The following TTN variants were observed in gnomAD, a reference collection of about 807,000 sequenced individuals.
TTN encodes titin, also known as connectin.
Under a neutral mutation model 3,223.0 loss-of-function variants are expected in TTN, and 1,525 were observed. The observed-to-expected ratio is 0.47, with a 90% CI of 0.45 to 0.49. The LOEUF is 0.49. TTN is among the 20% of genes least tolerant of loss of function. TTN has a pLI of 0.00. For synonymous variants in TTN, 14,094 were observed against 15,161.0 expected (o/e 0.93, Z 5.17); for missense variants, 40,786 against 43,424.0 (o/e 0.94, Z 5.40).
In TTN at chr2:178,617,473, T is replaced by G. The variant is rs1327762563; in HGVS notation, c.47612A>C (p.Gln15871Pro). 2 of 1,595,472 alleles carry G rather than the reference T, an allele frequency of 1.3e-6. No individual in the cohort carries two copies. Among genetic ancestry groups the G allele is most frequent in the Non-Finnish European group, 1.7e-6 (2 of 1,174,620 alleles). Residue 15871 changes from glutamine (Q) to proline (P), a missense_variant, in exon 254 of 363, where the codon CAG (glutamine) becomes CCG (proline). Transcript: ENST00000589042. ...TTTGAGCTGAACTGATGACTGAGTC[T>G]GATCTGAGGAAGTTAGGTTTACAGG... ...SPPVNLTSSD[Q>P]TQSSVQLKWE...
chr2:178,532,017 C>T lies in TTN; in HGVS notation c.104598G>A (p.Glu34866=). The T allele has an allele frequency of 6.2e-7, 1 of 1,613,874 alleles. No individual in the cohort carries two copies. Among genetic ancestry groups the T allele is most frequent in the South Asian group, 1.1e-5 (1 of 91,080 alleles). Residue 34866 remains glutamate (E), a synonymous_variant, in exon 358 of 363, where the codon GAG becomes GAA. Transcript: ENST00000589042. ...ELIRSRPQPA[E]EYEDDTERRS... ...TTCTTTCTGTGTCATCTTCGTATTC[C>T]TCAGCCGGTTGTGGACGTGACCGGA... is the stretch of plus-strand genomic sequence containing the variant.
chr2:178,774,086 C>T lies in TTN; in HGVS notation c.7082G>A (p.Gly2361Glu), dbSNP rs763682763. The T allele has an allele frequency of 1.9e-6, 3 of 1,614,014 alleles. No individual in the cohort carries two copies. Among genetic ancestry groups the T allele is most frequent in the Non-Finnish European group, 2.5e-6 (3 of 1,179,984 alleles). Residue 2361 changes from glycine (G) to glutamate (E), a missense_variant, in exon 31 of 363, where the codon GGA (glycine) becomes GAA (glutamate). Transcript: ENST00000589042. The stretch of plus-strand genomic sequence containing the variant: ...CTCACAGACTTTTTGGTCACTAAGT[C>T]CTTGTAGGATAGCAATGGGGCGGGC... ...MKPRPIAILQGLSDQKVCEGD... is the reference protein window; with the variant it reads ...MKPRPIAILQELSDQKVCEGD...
At chr2:178,802,404 C>G in intron 2 of TTN, 63 bp from the exon 3 acceptor site, 2 of 1,549,206 alleles carry the variant, frequency 1.3e-6, no homozygotes, top group Non-Finnish European at 1.8e-6. Context: ...TCTGCTCTGT[C>G]CCATCATGTT....
chr2:178,788,798 G>A (rs1055260388), intron 13 of TTN, among the ~76,000 whole-genome samples: 1 of 151,902 alleles, frequency 6.6e-6, no homozygotes, highest in Admixed American at 6.6e-5. Context: ...ATTTTAATAT[G>A]CATCTTGTTT....
Position 178,544,349 on chromosome 2 carries a change from A to G in TTN, c.95880T>C (p.His31960=), listed in dbSNP as rs1696036684. ...EKDTDQWYRV[H]TNATIRNTEF... ...CAGTATTTCTTATTGTGGCATTGGT[A>G]TGCACTCGGTACCACTGATCAGTGT... The change falls in exon 345 of 363, where the codon CAT becomes CAC. Residue 31960 remains histidine, a synonymous_variant. Coordinates refer to ENST00000589042, the MANE Select transcript of TTN (RefSeq NM_001267550.2). The G allele has an allele frequency of 1.9e-6, 3 of 1,613,758 alleles. No individual in the cohort carries two copies. The highest frequency in any genetic ancestry group is 2.2e-5 in the East Asian group (1 of 44,864).
At position 178,553,159 on chromosome 2, in the gene TTN, A is replaced by T; in HGVS notation, c.89741T>A (p.Ile29914Lys). Residue 29914 changes from isoleucine (I) to lysine (K), a missense_variant, in exon 335 of 363, where the codon ATA (isoleucine) becomes AAA (lysine). By Grantham distance (102) the Ile-to-Lys change is moderately radical. Transcript: ENST00000589042. ...RNDTGKYILT[I>K]ENGVGEPKSS... Reference sequence around the variant, plus strand: ...CTTAGGTTCACCAACTCCATTTTCTATTGTGAGAATATATTTTCCTGTATC... The same window carrying T: ...CTTAGGTTCACCAACTCCATTTTCTTTTGTGAGAATATATTTTCCTGTATC... The T allele has an allele frequency of 6.2e-7, 1 of 1,613,490 alleles. No individual in the cohort carries two copies. Among genetic ancestry groups the T allele is most frequent in the South Asian group, 1.1e-5 (1 of 91,058 alleles).
intron 257 of TTN, 40 bp from the exon 258 acceptor site, chr2:178,615,828 A>G: frequency 6.4e-7 from 1 of 1,570,132 alleles, no homozygotes; most frequent in Admixed American, 2.0e-5. Flanking sequence ...ATTTCCAAAA[A>G]ACCCTTTCGC....
intron 330 of TTN, chr2:178,556,623 C>A: frequency 1.8e-6 from 1 of 560,680 alleles, no homozygotes; most frequent in Admixed American, 3.4e-5. Context: ...TTGGAAAGGC[C>A]CATAGATATC....
At chr2:178,697,381 T>C (rs902524527) in intron 112 of TTN, among the ~76,000 whole-genome samples, 8 of 152,102 alleles carry the variant, frequency 5.3e-5, no homozygotes, top group African/African-American at 1.9e-4. Flanking sequence ...AAATCAAACA[T>C]GCAAAAGGCC....
intron 159 of TTN, among the ~76,000 whole-genome samples, chr2:178,668,733 C>CAAA (rs1372370526): frequency 1.6e-5 from 1 of 61,846 alleles, no homozygotes; most frequent in Non-Finnish European, 3.3e-5. Context: ...GATTCCATCT[C>CAAA]AAAAAAAAAA....
Position 178,572,104 on chromosome 2 carries a change from G to A in TTN, c.74028C>T (p.Ile24676=), listed in dbSNP as rs757040597. Residue 24676 remains isoleucine, a synonymous_variant, in exon 326 of 363, where the codon ATC becomes ATT. Coordinates refer to ENST00000589042, the MANE Select transcript of TTN (RefSeq NM_001267550.2). ...CATVKVTEAT[I]TGLIQGEEYS... ...ATTCTTCACCCTGAATTAATCCAGT[G>A]ATAGTGGCTTCAGTGACCTTGACTG... is the stretch of plus-strand genomic sequence containing the variant. 1.2e-5 allele frequency: 19 copies of A among 1,613,140 alleles called. No homozygotes were observed. Among genetic ancestry groups the A allele is most frequent in the Admixed American group, 5.0e-5 (3 of 59,970 alleles).
In TTN at chr2:178,617,160, T is replaced by C. The variant is rs1183805527; in HGVS notation, c.47835A>G (p.Pro15945=). 1 of 1,606,102 alleles carries C rather than the reference T, an allele frequency of 6.2e-7. No homozygotes were observed. Among genetic ancestry groups the C allele is most frequent in the Admixed American group, 1.7e-5 (1 of 58,912 alleles). The part of the protein sequence containing the change: ...SAENKAGVSD[P]SEILGPLTAD... ...CGGTGAGAGGACCAAGAATTTCAGA[T>C]GGATCTGAAACACCAGCTTTATTTT... The change falls in exon 255 of 363, where the codon CCA becomes CCG. Residue 15945 remains proline (P), a synonymous_variant. Transcript: ENST00000589042.
intron 344 of TTN, 131 bp from the exon 345 acceptor site, chr2:178,544,637 CTG>C (rs1696188729): frequency 1.4e-6 from 1 of 691,640 alleles, no homozygotes; most frequent in Non-Finnish European, 2.4e-6. Context: ...TCTTTATTAA[CTG>C]GGCTCCTGAT....
rs2076633971 is a variant in TTN at position 178,711,406 on chromosome 2, A to T, written c.27887-57T>A. The T allele has an allele frequency of 2.7e-6, 4 of 1,484,624 alleles. No individual in the cohort carries two copies. In the Admixed American group the frequency reaches 9.1e-5, roughly 34 times the overall value. The allele number at this position is 1,484,624 out of a possible 1,614,324, so 92.0% of individuals were successfully genotyped here. ...TTAATTTACTAAATGCTCTTCTCACAATTATATATATACAAACGCACGTAT... is the reference window on the plus strand; with the variant it reads ...TTAATTTACTAAATGCTCTTCTCACTATTATATATATACAAACGCACGTAT... On this transcript the variant is annotated intron_variant, in intron 96 of 362. Coordinates refer to ENST00000589042, the MANE Select transcript of TTN (RefSeq NM_001267550.2).
In TTN at chr2:178,563,391, C is replaced by A. The variant is rs1471458270; in HGVS notation, c.82741G>T (p.Asp27581Tyr). 1.2e-6 allele frequency: 2 copies of A among 1,613,550 alleles called. No individual in the cohort carries two copies. The highest frequency in any genetic ancestry group is 1.7e-6 in the Non-Finnish European group (2 of 1,179,720). ...PGPPSNPKVT[D>Y]TSRSSVSLAW... is the part of the protein sequence containing the mutation. The stretch of plus-strand genomic sequence containing the variant: ...AGGGAGACAGAAGATCTGGAAGTGT[C>A]CGTCACTTTTGGATTGCTTGGGGGA... Residue 27581 changes from aspartate (D) to tyrosine (Y), a missense_variant, in exon 326 of 363, where the codon GAC becomes TAC. By Grantham distance (160) the Asp-to-Tyr change is radical (BLOSUM62 -3). Coordinates refer to ENST00000589042, the MANE Select transcript of TTN (RefSeq NM_001267550.2). The surrounding 1 kb of genome is among the most constrained non-coding windows in gnomAD (Gnocchi z 4.5).
Position 178,532,056 on chromosome 2 carries a change from T to C in TTN, c.104559A>G (p.Pro34853=). 6.2e-7 allele frequency: 1 copy of C among 1,613,950 alleles called. No homozygotes were observed. The highest frequency in any genetic ancestry group is 2.2e-5 in the East Asian group (1 of 44,870). The part of the protein sequence containing the change: ...LSPTYIELMR[P]VSELIRSRPQ... ...GACGTGACCGGATCAGCTCAGACAC[T>C]GGCCTCATTAACTCAATATAAGTTG... Residue 34853 remains proline (P), a synonymous_variant, in exon 358 of 363, where the codon CCA becomes CCG. Coordinates refer to ENST00000589042, the MANE Select transcript of TTN (RefSeq NM_001267550.2).
Position 178,684,385 on chromosome 2 carries a change from C to A in TTN, c.32667G>T (p.Gln10889His), listed in dbSNP as rs1449221797. Residue 10889 changes from glutamine (Q) to histidine (H), a missense_variant, in exon 132 of 363, where the codon CAG becomes CAT. Physicochemically the swap from Gln to His is conservative, Grantham distance 24. Transcript: ENST00000589042. ...KVTERHMQIT[Q>H]EEKVLVAVTK... ...TTACAGCAACAAGAACTTTTTCTTC[C>A]TGGGTAATTTGCATGTGCCTCTCAG... is the stretch of plus-strand genomic sequence containing the variant. 2 of 1,613,492 alleles carry A rather than the reference C, an allele frequency of 1.2e-6. No homozygotes were observed. Among genetic ancestry groups the A allele is most frequent in the Admixed American group, 1.7e-5 (1 of 59,968 alleles).
intron 111 of TTN, among the ~76,000 whole-genome samples, chr2:178,699,601 C>G (rs574797270): frequency 6.9e-6 from 1 of 144,316 alleles, no homozygotes; most frequent in African/African-American, 2.5e-5. Context: ...TTAGTAGAGA[C>G]GGGGTTTCAC....
chr2:178,557,262 C>CA lies in TTN; in HGVS notation c.87999dup (p.Asp29334Ter), dbSNP rs752751417. 6.2e-7 allele frequency: 1 copy of CA among 1,613,858 alleles called. No homozygotes were observed. Among genetic ancestry groups the CA allele is most frequent in the Non-Finnish European group, 8.5e-7 (1 of 1,179,852 alleles). ...CATGACAAATACGTACCACAAGCATCAATTGCCAAGACTGGTTCAGAAGGA... is the reference window on the plus strand; with the variant it reads ...CATGACAAATACGTACCACAAGCATCAAATTGCCAAGACTGGTTCAGAAGGA... On this transcript the variant is annotated frameshift_variant, in exon 329 of 363. Transcript: ENST00000589042. LOFTEE classifies it high-confidence loss of function.
Sources: allele counts gnomAD v4.1 joint callset (sites outside exome capture counted in the v4.1 genomes callset), GRCh38; gene constraint gnomAD v4.1.1; non-coding constraint Gnocchi (gnomAD v3.1); transcripts MANE v1.5; gene names NCBI Gene and HGNC (gene_info 2026-07-23, HGNC 2026-07-21).